Variants in MFRP observed in about 807,000 individuals in gnomAD.
MFRP encodes the protein membrane frizzled-related protein, also known as C1q and TNF related 5.
In MFRP, 74 loss-of-function variants were observed where a neutral mutation model predicts 65.8. That is an observed-to-expected ratio of 1.12 (90% confidence interval 0.93 to 1.36). MFRP has a LOEUF of 1.36. Among genes scored for constraint, MFRP ranks in the 40% most tolerant of loss-of-function variants. The pLI, the probability that MFRP is intolerant of heterozygous loss-of-function variation, is 0.00. For synonymous variants in MFRP, 336 were observed against 288.3 expected (o/e 1.17, Z -1.68); for missense variants, 838 against 736.0 (o/e 1.14, Z -1.60).
Position 119,344,733 on chromosome 11 carries a change from C to A in MFRP, c.797G>T (p.Arg266Leu). The change falls in exon 7 of 15, where the codon CGC becomes CTC. Residue 266 changes from arginine to leucine, a missense_variant. By Grantham distance (102) the Arg-to-Leu change is moderately radical. Coordinates refer to ENST00000619721, the MANE Select transcript of MFRP (RefSeq NM_031433.4). The stretch of plus-strand genomic sequence containing the variant: ...TAGCAGGCAGATGAGCTGGTCACAG[C>A]GGAACTCATCATGGGCACAGCTCCC... ...GRGSCAHDEF[R>L]CDQLICLLPD... The A allele has an allele frequency of 1.9e-6, 3 of 1,614,020 alleles. No homozygotes were observed. Among genetic ancestry groups the A allele is most frequent in the South Asian group, 1.1e-5 (1 of 91,084 alleles).
Position 119,340,200 on chromosome 11 carries a change from G to A in MFRP, c.*1094C>T, listed in dbSNP as rs932268494. On this transcript the variant is annotated 3_prime_UTR_variant, in exon 14 of 15. Coordinates refer to ENST00000619721, the MANE Select transcript of MFRP (RefSeq NM_031433.4). ...CCTTCTTACCCGGCCTCCCGCCCTC[G>A]CCTTTCTCTCCCGGAGCCCCGGGCG... 3.3e-6 allele frequency: 5 copies of A among 1,516,012 alleles called. No individual in the cohort carries two copies. The highest frequency in any genetic ancestry group is 4.3e-5 in the Admixed American group (2 of 46,920). 93.9% of individuals were successfully genotyped at this position (1,516,012 alleles called of 1,614,324 possible). A position where few individuals can be genotyped will look rare whatever the true frequency, so the allele number is the denominator to read the frequency against.
rs1296641221 is a variant in MFRP at position 119,343,957 on chromosome 11, G to A, written c.983C>T (p.Thr328Ile). The A allele has an allele frequency of 6.2e-7, 1 of 1,612,774 alleles. No individual in the cohort carries two copies. The highest frequency in any genetic ancestry group is 8.5e-7 in the Non-Finnish European group (1 of 1,179,978). Reference sequence around the variant, plus strand: ...TCCGGCAGGCACCGAGATATGCCAGGTGCAGAGCTGGGGGAGGGCATAGGT... The same window carrying A: ...TCCGGCAGGCACCGAGATATGCCAGATGCAGAGCTGGGGGAGGGCATAGGT... ...LQQYPHQLLC[T>I]WHISVPAGHS... The change falls in exon 9 of 15, where the codon ACC (threonine) becomes ATC (isoleucine). Residue 328 changes from threonine (T) to isoleucine (I), a missense_variant. Thr to Ile is a moderately conservative substitution (Grantham distance 89). Transcript: ENST00000619721.
At position 119,339,852 on chromosome 11, in the gene MFRP, CGG is replaced by C; in HGVS notation, c.*1111-6_*1111-5del. On this transcript the variant is annotated splice_region_variant and splice_polypyrimidine_tract_variant and intron_variant, in intron 14 of 14. Coordinates refer to ENST00000619721, the MANE Select transcript of MFRP (RefSeq NM_031433.4). This position sits in a 1 kb window ranked among gnomAD's most constrained non-coding sequence, Gnocchi z 5.4. The stretch of plus-strand genomic sequence containing the variant: ...TCCCCTCGAGGTCCCGGCAGTCCTG[CGG>C]GGTAAGCGGGGCGGCAGGGTGAGAG... 1.4e-6 allele frequency: 2 copies of C among 1,467,298 alleles called. No homozygotes were observed. Among genetic ancestry groups the C allele is most frequent in the Non-Finnish European group, 1.8e-6 (2 of 1,117,408 alleles). The allele number at this position is 1,467,298 out of a possible 1,614,324, so 90.9% of individuals were successfully genotyped here.
Position 119,340,698 on chromosome 11 carries a change from C to A in MFRP, c.*850G>T, listed in dbSNP as rs999729483. 2.3e-5 allele frequency: 10 copies of A among 434,058 alleles called. No individual in the cohort carries two copies. Among genetic ancestry groups the A allele is most frequent in the Non-Finnish European group, 4.1e-5 (10 of 241,296 alleles). 26.9% of individuals were successfully genotyped at this position (434,058 alleles called of 1,614,324 possible). On this transcript the variant is annotated 3_prime_UTR_variant, in exon 13 of 15. Coordinates refer to ENST00000619721, the MANE Select transcript of MFRP (RefSeq NM_031433.4). ...TCCCCTCCTCCGCCAGACTCACCCCCCCTCCCGGCTCCCCGATGGCCTCCT... is the reference window on the plus strand; with the variant it reads ...TCCCCTCCTCCGCCAGACTCACCCCACCTCCCGGCTCCCCGATGGCCTCCT...
rs886047834 is a variant in MFRP, at chr11:119,345,556, G to A, written c.505C>T (p.His169Tyr). The change falls in exon 5 of 15, where the codon CAC becomes TAC. Residue 169 changes from histidine to tyrosine, a missense_variant. Transcript: ENST00000619721. ...GCCACCTGGATATGCCACACGCAGTGGGTGTTGGGGGGGTAAGGGTCTGGG... is the reference window on the plus strand; with the variant it reads ...GCCACCTGGATATGCCACACGCAGTAGGTGTTGGGGGGGTAAGGGTCTGGG... ...NYPDPYPPNT[H>Y]CVWHIQVATD... 6.2e-7 allele frequency: 1 copy of A among 1,614,042 alleles called. No individual in the cohort carries two copies.
Position 119,339,663 on chromosome 11 carries a change from C to T in MFRP, c.*1296G>A, listed in dbSNP as rs878943319. ...TTGCCGGTGACGGCGTCGTAATGTCCCTGCTCGTTCACCAGCACGCGGTCG... is the reference window on the plus strand; with the variant it reads ...TTGCCGGTGACGGCGTCGTAATGTCTCTGCTCGTTCACCAGCACGCGGTCG... On this transcript the variant is annotated 3_prime_UTR_variant, in exon 15 of 15. Coordinates refer to ENST00000619721, the MANE Select transcript of MFRP (RefSeq NM_031433.4). The surrounding 1 kb of genome is among the most constrained non-coding windows in gnomAD (Gnocchi z 5.4). The T allele has an allele frequency of 6.2e-7, 1 of 1,611,900 alleles. No individual in the cohort carries two copies.
Position 119,345,621 on chromosome 11 carries a change from A to G in MFRP, c.440T>C (p.Leu147Pro). ...GAAGAAGCCCCTTGGGCCAGAGAGG[A>G]GGCCTCCACAGGCTGCAGAGATGGA... ...SPSPQSTCGG[L>P]LSGPRGFFSS... Residue 147 changes from leucine (L) to proline (P), a missense_variant, in exon 5 of 15, where the codon CTC becomes CCC. Leu to Pro is a moderately conservative substitution (Grantham distance 98). Coordinates refer to ENST00000619721, the MANE Select transcript of MFRP (RefSeq NM_031433.4). The G allele has an allele frequency of 6.2e-7, 1 of 1,613,640 alleles. No individual in the cohort carries two copies. The highest frequency in any genetic ancestry group is 1.1e-5 in the South Asian group (1 of 91,080).
Position 119,341,056 on chromosome 11 carries a change from A to T in MFRP, c.*492T>A. On this transcript the variant is annotated 3_prime_UTR_variant, in exon 13 of 15. Coordinates refer to ENST00000619721, the MANE Select transcript of MFRP (RefSeq NM_031433.4). ...GGGCACCTCCTGTTCCCAGGGCCAG[A>T]GGAGAGGCAGGGCAGTGGCAGAGAC... The T allele has an allele frequency of 5.3e-6, 1 of 188,570 alleles. No individual in the cohort carries two copies. The highest frequency in any genetic ancestry group is 1.1e-5 in the Non-Finnish European group (1 of 90,346). The allele number at this position is 188,570 out of a possible 1,614,324, so 11.7% of individuals were successfully genotyped here.
rs372624347 is a variant in MFRP at position 119,346,033 on chromosome 11, C to T, written c.271+13G>A. The stretch of plus-strand genomic sequence containing the variant: ...TCCAAAGCCCTCGTTTCAAGCTGTC[C>T]CCGGGTACTTACGGGCCAGGATGAT... On this transcript the variant is annotated intron_variant, in intron 3 of 14. Coordinates refer to ENST00000619721, the MANE Select transcript of MFRP (RefSeq NM_031433.4). 63 of 1,612,112 alleles carry T rather than the reference C, an allele frequency of 3.9e-5. No homozygotes were observed. In the African/African-American group the frequency reaches 6.7e-4, roughly 17 times the overall value.
intron 10 of MFRP, 59 bp from the exon 11 acceptor site, chr11:119,342,786 A>G (rs1950516139): frequency 1.9e-6 from 3 of 1,612,878 alleles, no homozygotes; most frequent in African/African-American, 2.7e-5. Flanking sequence ...CAGTACCCCC[A>G]GAGTGTCCTG....
Position 119,341,516 on chromosome 11 carries a change from G to A in MFRP, c.*32C>T, listed in dbSNP as rs761534091. On this transcript the variant is annotated 3_prime_UTR_variant, in exon 13 of 15. Transcript: ENST00000619721. ...CCAGCCCTGACCGGCAAAAGAGGAC[G>A]GGCAGGAAGAGGGCAGGGGCCGGCT... 45 of 1,572,686 alleles carry A rather than the reference G, an allele frequency of 2.9e-5. No individual in the cohort carries two copies. Among genetic ancestry groups the A allele is most frequent in the South Asian group, 2.7e-4 (24 of 90,036 alleles).
Position 119,339,906 on chromosome 11 carries a change from C to T in MFRP, c.*1111-58G>A. ...AGCGGCGGCTCAGCCCGCAGCGGGG[C>T]GGCGACTCTAAGGTCACCGTACCCC... is the stretch of plus-strand genomic sequence containing the variant. On this transcript the variant is annotated intron_variant, in intron 14 of 14. Coordinates refer to ENST00000619721, the MANE Select transcript of MFRP (RefSeq NM_031433.4). This position sits in a 1 kb window ranked among gnomAD's most constrained non-coding sequence, Gnocchi z 5.4. 8 of 1,429,348 alleles carry T rather than the reference C, an allele frequency of 5.6e-6. No homozygotes were observed. Among genetic ancestry groups the T allele is most frequent in the Non-Finnish European group, 7.3e-6 (8 of 1,098,892 alleles). The allele number at this position is 1,429,348 out of a possible 1,614,324, so 88.5% of individuals were successfully genotyped here.
In MFRP at chr11:119,339,479, G is replaced by GC. The variant is rs369839371; in HGVS notation, c.*1479dup. 5.4e-4 allele frequency: 872 copies of GC among 1,613,116 alleles called. 2 individuals carry two copies. Among genetic ancestry groups the GC allele is most frequent in the African/African-American group, 4.7e-3 (353 of 74,910 alleles). The stretch of plus-strand genomic sequence containing the variant: ...GTCCTCAGGCTCCAGCCTCACCATG[G>GC]CCCCCCCCGAGAGCGAGGCTGGCTT... On this transcript the variant is annotated 3_prime_UTR_variant, in exon 15 of 15. Transcript: ENST00000619721. This position sits in a 1 kb window ranked among gnomAD's most constrained non-coding sequence, Gnocchi z 5.4.
Position 119,342,597 on chromosome 11 carries a change from T to TG in MFRP, c.1385dup (p.Glu463ArgfsTer5). ...GGTCCCCAGGGGCAGGCTTCTCACC[T>TG]GGGGGTGGGAACAAGGGGCCGCTGC... On this transcript the variant is annotated frameshift_variant and splice_region_variant, in exon 11 of 15. Transcript: ENST00000619721. LOFTEE classifies it high-confidence loss of function. The TG allele has an allele frequency of 6.2e-7, 1 of 1,613,094 alleles. No individual in the cohort carries two copies.
rs1379213492 is a variant in MFRP at position 119,343,182 on chromosome 11, ACTGT to A, written c.1125-183_1125-180del. Among the ~76,000 whole-genome samples, 12 of 152,302 alleles carry A rather than the reference ACTGT, an allele frequency of 7.9e-5. No homozygotes were observed. In the East Asian group the frequency reaches 2.1e-3, roughly 27 times the overall value. On this transcript the variant is annotated intron_variant, in intron 9 of 14. Coordinates refer to ENST00000619721, the MANE Select transcript of MFRP (RefSeq NM_031433.4). ...ATTCAACAGGGAAAGCATTAAACAA[ACTGT>A]CTGAACTCGAGCCACTTCTAGATGG...
Position 119,339,540 on chromosome 11 carries a change from T to C in MFRP, c.*1419A>G, listed in dbSNP as rs770325735. 6.8e-6 allele frequency: 11 copies of C among 1,611,450 alleles called. 1 individual carries two copies. The South Asian group carries it at 1.1e-4, about 16-fold the overall frequency. On this transcript the variant is annotated 3_prime_UTR_variant, in exon 15 of 15. Coordinates refer to ENST00000619721, the MANE Select transcript of MFRP (RefSeq NM_031433.4). The surrounding 1 kb of genome is among the most constrained non-coding windows in gnomAD (Gnocchi z 5.4). ...CCGAAAAACTGGAAGAAAGAGGCAA[T>C]GGATTCGCCATTCTTCACCAGATCA...
chr11:119,346,301 G>T lies in MFRP; in HGVS notation c.128C>A (p.Ala43Asp), dbSNP rs752947164. ...PCPPPVFPED[A>D]SYSVPAPWHG... ...CCAGGGAGCTGGGACGCTGTAGCTG[G>T]CATCCTCTGGGAAAACTGGGGGAGG... Residue 43 changes from alanine to aspartate, a missense_variant, in exon 2 of 15, where the codon GCC becomes GAC. Transcript: ENST00000619721. 3 of 1,613,756 alleles carry T rather than the reference G, an allele frequency of 1.9e-6. No homozygotes were observed. The highest frequency in any genetic ancestry group is 1.7e-6 in the Non-Finnish European group (2 of 1,179,886).
intron 6 of MFRP, 51 bp from the exon 7 acceptor site, chr11:119,344,808 A>G (rs1372869464): frequency 6.2e-7 from 1 of 1,613,652 alleles, no homozygotes; most frequent in Non-Finnish European, 8.5e-7. Context: ...CACCCCTTTG[A>G]CAGGACTGGG....
rs1339086905 is a variant in MFRP at position 119,339,611 on chromosome 11, T to A, written c.*1348A>T. The A allele has an allele frequency of 1.9e-6, 3 of 1,613,132 alleles. No individual in the cohort carries two copies. The highest frequency in any genetic ancestry group is 2.5e-6 in the Non-Finnish European group (3 of 1,180,016). ...GACGGTGGCATGGACGGCGAAGTAGTAGACCCCAGGCACCTGGCAGGTGAA... is the reference window on the plus strand; with the variant it reads ...GACGGTGGCATGGACGGCGAAGTAGAAGACCCCAGGCACCTGGCAGGTGAA... On this transcript the variant is annotated 3_prime_UTR_variant, in exon 15 of 15. Transcript: ENST00000619721. This position sits in a 1 kb window ranked among gnomAD's most constrained non-coding sequence, Gnocchi z 5.4.
Sources: allele counts gnomAD v4.1 joint callset (sites outside exome capture counted in the v4.1 genomes callset), GRCh38; gene constraint gnomAD v4.1.1; non-coding constraint Gnocchi (gnomAD v3.1); transcripts MANE v1.5; gene names NCBI Gene and HGNC (gene_info 2026-07-23, HGNC 2026-07-21).